PRB2: variants seen among roughly 807,000 people sequenced by gnomAD.
PRB2 encodes the protein proline rich protein BstNI subfamily 2, also known as basic salivary proline-rich protein 2.
Under a neutral mutation model 8.3 loss-of-function variants are expected in PRB2, and 12 were observed. That is an observed-to-expected ratio of 1.45 (90% CI 0.93 to 2.35). The LOEUF (loss-of-function observed/expected upper bound fraction) is 2.35. Among genes scored for constraint, PRB2 ranks in the 30% most tolerant of loss-of-function variants. The pLI is 0.00. For missense variants in PRB2, 470 were observed against 507.0 expected (o/e 0.93, Z 0.70); for synonymous variants, 146 against 180.0 (o/e 0.81, Z 1.51).
chr12:11,395,514 GC>G lies in PRB2; in HGVS notation c.15del (p.Leu6CysfsTer8). 2 of 1,613,196 alleles carry G rather than the reference GC, an allele frequency of 1.2e-6. No individual in the cohort carries two copies. Among genetic ancestry groups the G allele is most frequent in the Non-Finnish European group, 1.7e-6 (2 of 1,179,666 alleles). ...CTCAGGGCCAGCAAGGCCACTGACA[GC>G]AGAATCAACAGCATCTTGCAGGAGG... MLLILLSVALLALSS... is the reference protein window; with the variant it reads MLLIXLSVALLALSS... On this transcript the variant is annotated frameshift_variant, in exon 1 of 4. Transcript: ENST00000389362. LOFTEE classifies it high-confidence loss of function.
chr12:11,392,012 C>T (rs1239049589), intron 3 of PRB2, among the ~76,000 whole-genome samples: 2 of 90,990 alleles, frequency 2.2e-5, no homozygotes, highest in African/African-American at 5.1e-5. Flanking sequence ...AAAGAAATCA[C>T]GGTGCAGCCA....
intron 1 of PRB2, among the ~76,000 whole-genome samples, chr12:11,394,850 C>T (rs202182512): frequency 3.2e-4 from 48 of 152,206 alleles, no homozygotes; most frequent in African/African-American, 1.1e-3. Flanking sequence ...TGCCCTCCAT[C>T]TCCTATAAAT....
At position 11,395,504 on chromosome 12, in the gene PRB2, G is replaced by T. The variant is rs377732306; in HGVS notation, c.26C>A (p.Ala9Asp). The change falls in exon 1 of 4, where the codon GCC (alanine) becomes GAC (aspartate). Residue 9 changes from alanine (A) to aspartate (D), a missense_variant. Around this residue, in one of 4 missense-constraint regions of PRB2, gnomAD observed 211 missense variants for 207.7 expected, o/e 1.02. Transcript: ENST00000389362. MLLILLSV[A>D]LLALSSAQNL... ...CTGAGCTGAGCTCAGGGCCAGCAAG[G>T]CCACTGACAGCAGAATCAACAGCAT... is the stretch of plus-strand genomic sequence containing the variant. The T allele has an allele frequency of 6.2e-7, 1 of 1,613,172 alleles. No homozygotes were observed. Among genetic ancestry groups the T allele is most frequent in the Non-Finnish European group, 8.5e-7 (1 of 1,179,730 alleles).
chr12:11,394,279 C>A (rs774836277), intron 2 of PRB2, among the ~76,000 whole-genome samples: 1 of 152,162 alleles, frequency 6.6e-6, no homozygotes, highest in Non-Finnish European at 1.5e-5. Context: ...TAACCCACTC[C>A]TGCTGTCATC....
intron 2 of PRB2, 132 bp from the exon 3 acceptor site, chr12:11,394,109 T>C: frequency 7.7e-7 from 1 of 1,291,320 alleles, no homozygotes; most frequent in Admixed American, 2.1e-5. Flanking sequence ...ACCAAGACAT[T>C]AATTTCTTTG....
Position 11,393,285 on chromosome 12 carries a change from C to A in PRB2, c.793G>T (p.Gly265Ter), listed in dbSNP as rs1864346074. 1 of 1,198,572 alleles carries A rather than the reference C, an allele frequency of 8.3e-7. No individual in the cohort carries two copies. The highest frequency in any genetic ancestry group is 3.3e-5 in the African/African-American group (1 of 30,012). 74.2% of individuals were successfully genotyped at this position (1,198,572 alleles called of 1,614,324 possible). Residue 265 changes from glycine to a stop codon, truncating the protein, a stop_gained, in exon 3 of 4, where the codon GGA becomes TGA. Transcript: ENST00000389362. LOFTEE classifies it low-confidence loss of function (END_TRUNC). Reference sequence around the variant, plus strand: ...TTGTTGCCTCCTTGTGGGGGTGGTCCTTGTGGCTTTCCTGGAGGAGGTGGG... The same window carrying A: ...TTGTTGCCTCCTTGTGGGGGTGGTCATTGTGGCTTTCCTGGAGGAGGTGGG... ...GPPPPPGKPQ[G>*]PPPQGGNKPQ...
chr12:11,392,975 C>T lies in PRB2; in HGVS notation c.1103G>A (p.Gly368Glu), dbSNP rs1249319048. ...ATTGTTGCCTTCTTGTTGGGGTGGT[C>T]CTTGTGGCTTTCCTGGAGGAGATCG... ...SARSPPGKPQ[G>E]PPQQEGNNPQ... The change falls in exon 3 of 4, where the codon GGA (glycine) becomes GAA (glutamate). Residue 368 changes from glycine to glutamate, a missense_variant. Gly to Glu is a moderately conservative substitution (Grantham distance 98). This residue lies in a region of PRB2 where 205 missense variants were observed against 195.0 expected (regional missense o/e 1.05). Coordinates refer to ENST00000389362, the MANE Select transcript of PRB2 (RefSeq NM_006248.4). 1 of 1,612,340 alleles carries T rather than the reference C, an allele frequency of 6.2e-7. No homozygotes were observed. Among genetic ancestry groups the T allele is most frequent in the African/African-American group, 1.3e-5 (1 of 74,348 alleles).
intron 1 of PRB2, 67 bp from the exon 2 acceptor site, chr12:11,394,597 T>C (rs372933090): frequency 3.2e-6 from 5 of 1,580,434 alleles, no homozygotes; most frequent in Non-Finnish European, 3.5e-6. Flanking sequence ...ACAAGTGTTC[T>C]ACAGGGAAAA....
chr12:11,393,926 G>C lies in PRB2; in HGVS notation c.152C>G (p.Pro51Arg), dbSNP rs753008881. ...PQGGNKPQGP[P>R]SPPGKPQGPP... ...TCCTTGTGGCTTTCCTGGAGGAGAT[G>C]GGGGACCTTGAGGTTTGTTGCCTCC... Residue 51 changes from proline (P) to arginine (R), a missense_variant, in exon 3 of 4, where the codon CCA (proline) becomes CGA (arginine). Pro to Arg is a moderately radical substitution (Grantham distance 103). Around this residue, in one of 4 missense-constraint regions of PRB2, gnomAD observed 211 missense variants for 207.7 expected, o/e 1.02. Transcript: ENST00000389362. The C allele has an allele frequency of 4.6e-5, 72 of 1,570,540 alleles. 2 individuals carry two copies. In the South Asian group the frequency reaches 5.8e-4, roughly 13 times the overall value.
chr12:11,394,539 G>A lies in PRB2; in HGVS notation c.65-9C>T. 2 of 1,612,996 alleles carry A rather than the reference G, an allele frequency of 1.2e-6. No homozygotes were observed. Among genetic ancestry groups the A allele is most frequent in the Admixed American group, 1.7e-5 (1 of 59,888 alleles). On this transcript the variant is annotated splice_polypyrimidine_tract_variant and intron_variant, in intron 1 of 3. Coordinates refer to ENST00000389362, the MANE Select transcript of PRB2 (RefSeq NM_006248.4). ...TTCTTCCTGGCTGACATCTAGAAGA[G>A]AAGCACAGGATGATGGGAACAGTTA...
chr12:11,394,486 G>C lies in PRB2; in HGVS notation c.100+9C>G. 1.9e-6 allele frequency: 3 copies of C among 1,612,452 alleles called. No individual in the cohort carries two copies. Among genetic ancestry groups the C allele is most frequent in the South Asian group, 1.1e-5 (1 of 91,046 alleles). ...AGTCAGAACAGATTGAGAATGAATC[G>C]GGATTTACCTGCTATTAGGGAGGGA... On this transcript the variant is annotated intron_variant, in intron 2 of 3. Transcript: ENST00000389362.
Position 11,392,963 on chromosome 12 carries a change from TG to T in PRB2, c.1114del (p.Gln372LysfsTer59), listed in dbSNP as rs1864337586. On this transcript the variant is annotated frameshift_variant, in exon 3 of 4. Transcript: ENST00000389362. LOFTEE classifies it low-confidence loss of function (END_TRUNC). ...GGGACCTTGAGGATTGTTGCCTTCT[TG>T]TTGGGGTGGTCCTTGTGGCTTTCCT... ...PPGKPQGPPQ[Q>X]EGNNPQGPPP... The T allele has an allele frequency of 6.2e-7, 1 of 1,611,958 alleles. No individual in the cohort carries two copies. Among genetic ancestry groups the T allele is most frequent in the East Asian group, 2.2e-5 (1 of 44,746 alleles).
chr12:11,395,400 T>C lies in PRB2; in HGVS notation c.64+66A>G. 8 of 1,599,630 alleles carry C rather than the reference T, an allele frequency of 5.0e-6. No homozygotes were observed. The South Asian group carries it at 6.6e-5, about 13-fold the overall frequency. The stretch of plus-strand genomic sequence containing the variant: ...TGTTTTCATTCTCCTCTCTTCCCCG[T>C]AATTACCATTATCACCTCCTAAGCC... On this transcript the variant is annotated intron_variant, in intron 1 of 3. Coordinates refer to ENST00000389362, the MANE Select transcript of PRB2 (RefSeq NM_006248.4).
chr12:11,394,560 A>T, intron 1 of PRB2, 30 bp from the exon 2 acceptor site: 1 of 1,611,154 alleles, frequency 6.2e-7, no homozygotes, highest in Middle Eastern at 1.7e-4. Flanking sequence ...TGATGGGAAC[A>T]GTTACATCTT....
In PRB2 at chr12:11,395,502, A is replaced by G. The variant is rs2272511; in HGVS notation, c.28T>C (p.Leu10=). Residue 10 remains leucine (L), a synonymous_variant, in exon 1 of 4, where the codon TTG becomes CTG. Transcript: ENST00000389362. ...TTCTGAGCTGAGCTCAGGGCCAGCA[A>G]GGCCACTGACAGCAGAATCAACAGC... MLLILLSVA[L]LALSSAQNLN... 0.061 allele frequency: 97,635 copies of G among 1,612,856 alleles called. 11,536 individuals are homozygous for G. The highest frequency in any genetic ancestry group is 0.49 in the African/African-American group (36,728 of 74,404).
chr12:11,392,934 G>T lies in PRB2; in HGVS notation c.1144C>A (p.Pro382Thr), dbSNP rs754479222. 2.5e-6 allele frequency: 4 copies of T among 1,609,736 alleles called. No individual in the cohort carries two copies. Among genetic ancestry groups the T allele is most frequent in the South Asian group, 2.2e-5 (2 of 90,524 alleles). Residue 382 changes from proline (P) to threonine (T), a missense_variant, in exon 3 of 4, where the codon CCT (proline) becomes ACT (threonine). By Grantham distance (38) the Pro-to-Thr change is conservative. Coordinates refer to ENST00000389362, the MANE Select transcript of PRB2 (RefSeq NM_006248.4). ...TGCTGGGGATTGCCTCCTGCTGGAG[G>T]TGGGGGACCTTGAGGATTGTTGCCT... is the stretch of plus-strand genomic sequence containing the variant. Reference protein sequence around the residue: ...QEGNNPQGPPPPAGGNPQQPQ... With the variant: ...QEGNNPQGPPTPAGGNPQQPQ...
rs201549799 is a variant in PRB2 at position 11,393,009 on chromosome 12, G to A, written c.1069C>T (p.Arg357Ter). The change falls in exon 3 of 4, where the codon CGA becomes TGA. Residue 357 changes from arginine to a stop codon, truncating the protein, a stop_gained. Coordinates refer to ENST00000389362, the MANE Select transcript of PRB2 (RefSeq NM_006248.4). LOFTEE classifies it low-confidence loss of function (END_TRUNC). ...GPPPQGGSKS[R>*]SARSPPGKPQ... is the part of the protein sequence containing the mutation. ...TTTCCTGGAGGAGATCGGGCACTTCGGGACTTGCTGCCTCCTTGTGGGGGT... is the reference window on the plus strand; with the variant it reads ...TTTCCTGGAGGAGATCGGGCACTTCAGGACTTGCTGCCTCCTTGTGGGGGT... 4.3e-4 allele frequency: 688 copies of A among 1,612,736 alleles called. No homozygotes were observed. The highest frequency in any genetic ancestry group is 5.1e-4 in the Non-Finnish European group (596 of 1,179,638).
intron 1 of PRB2, 104 bp from the exon 2 acceptor site, chr12:11,394,634 C>A: frequency 7.1e-7 from 1 of 1,410,170 alleles, no homozygotes; most frequent in Non-Finnish European, 1.0e-6. Flanking sequence ...CCCCATGCAT[C>A]CCCTAAGTTA....
At position 11,394,483 on chromosome 12, in the gene PRB2, A is replaced by G. The variant is rs752271807; in HGVS notation, c.100+12T>C. 5 of 1,612,316 alleles carry G rather than the reference A, an allele frequency of 3.1e-6. No individual in the cohort carries two copies. Among genetic ancestry groups the G allele is most frequent in the Non-Finnish European group, 3.4e-6 (4 of 1,178,272 alleles). Reference sequence around the variant, plus strand: ...GACAGTCAGAACAGATTGAGAATGAATCGGGATTTACCTGCTATTAGGGAG... The same window carrying G: ...GACAGTCAGAACAGATTGAGAATGAGTCGGGATTTACCTGCTATTAGGGAG... On this transcript the variant is annotated intron_variant, in intron 2 of 3. Transcript: ENST00000389362.
Sources: gnomAD v4.1 joint callset for allele counts (sites outside exome capture counted in the v4.1 genomes callset) on GRCh38, gnomAD v4.1.1 for gene constraint, gnomAD v4.1.1 regional missense constraint, MANE v1.5 for transcripts, NCBI Gene and HGNC (gene_info 2026-07-23, HGNC 2026-07-21) for gene names.